The following SLC28A3 variants were observed in gnomAD, a reference collection of about 807,000 sequenced individuals.
The protein encoded by SLC28A3 is solute carrier family 28 member 3, also known as concentrative Na(+)-nucleoside cotransporter 3.
Under a neutral mutation model 84.2 loss-of-function variants are expected in SLC28A3, and 68 were observed. The ratio of observed to expected loss-of-function variants is 0.81; its 90% CI spans 0.66 to 0.99. The LOEUF is 0.99. SLC28A3 is among the 50% of genes least tolerant of loss of function. SLC28A3 has a pLI of 0.00. For synonymous variants in SLC28A3, 267 were observed against 303.6 expected (o/e 0.88, Z 1.25); for missense variants, 712 against 841.5 (o/e 0.85, Z 1.90).
intron 9 of SLC28A3, 22 bp downstream of exon 9, chr9:84,294,173 C>G (rs1404117317): frequency 6.2e-7 from 1 of 1,612,752 alleles, no homozygotes; most frequent in African/African-American, 1.3e-5. Context: ...ACCTATAACC[C>G]AGTCCCTCCC....
intron 3 of SLC28A3, among the ~76,000 whole-genome samples, chr9:84,307,184 A>T (rs1302296220): frequency 6.6e-6 from 1 of 150,614 alleles, no homozygotes; most frequent in East Asian, 2.0e-4. Context: ...TAATCTCAGC[A>T]CTTTGGGAGG....
chr9:84,361,935 T>TAAATAAATAAATAAATAAATAAAA, the SLC28A3 span, among the ~76,000 whole-genome samples: 1 of 151,966 alleles, frequency 6.6e-6, no homozygotes, highest in East Asian at 1.9e-4. Context: ...AATAAATAAA[T>TAAATAAATAAATAAATAAATAAAA]AAAAATTAAT....
chr9:84,333,397 G>A (rs775295877), intron 1 of SLC28A3, among the ~76,000 whole-genome samples: 1 of 152,162 alleles, frequency 6.6e-6, no homozygotes, highest in African/African-American at 2.4e-5. Flanking sequence ...GCGTGACCCA[G>A]TTCCCAGCTT....
At chr9:84,353,599 A>G in the SLC28A3 span, among the ~76,000 whole-genome samples, 1 of 152,050 alleles carries the variant, frequency 6.6e-6, no homozygotes, top group Non-Finnish European at 1.5e-5. Context: ...AATCCCAACT[A>G]CTTGGGAGGC....
Position 84,313,382 on chromosome 9 carries a change from T to G in SLC28A3, c.133A>C (p.Arg45=). 2 of 1,614,176 alleles carry G rather than the reference T, an allele frequency of 1.2e-6. No individual in the cohort carries two copies. The highest frequency in any genetic ancestry group is 1.7e-6 in the Non-Finnish European group (2 of 1,179,996). ...NSIRSRAVQS[R]EHTNTKQDEE... ...ACCTGTTTGGTGTTTGTGTGCTCCC[T>G]GCTTTGCACAGCTCTGCTTCTTATT... Residue 45 remains arginine (R), a synonymous_variant, in exon 2 of 18, where the codon AGG becomes CGG. Coordinates refer to ENST00000376238, the MANE Select transcript of SLC28A3 (RefSeq NM_001199633.2).
intron 16 of SLC28A3, 90 bp downstream of exon 16, chr9:84,279,885 G>T (rs939774403): frequency 4.1e-6 from 5 of 1,230,280 alleles, no homozygotes; most frequent in Non-Finnish European, 5.8e-6. Context: ...GTGGCAGCGT[G>T]TGCTGCACAT....
intron 17 of SLC28A3, 86 bp from the exon 18 acceptor site, chr9:84,278,430 A>G (rs532365742): frequency 2.6e-6 from 4 of 1,530,322 alleles, no homozygotes; most frequent in Admixed American, 3.8e-5. Context: ...AAAATAGTTC[A>G]GGGCAGGAAG....
At chr9:84,337,432 C>CTGTGTGTG (rs111293078) in intron 1 of SLC28A3, among the ~76,000 whole-genome samples, 4 of 151,192 alleles carry the variant, frequency 2.6e-5, no homozygotes, top group African/African-American at 9.8e-5. Flanking sequence ...GGATGCTAGC[C>CTGTGTGTG]TGTGTGTGTG....
chr9:84,286,461 T>TC (rs1229118929), intron 12 of SLC28A3, among the ~76,000 whole-genome samples: 85 of 149,550 alleles, frequency 5.7e-4, no homozygotes, highest in African/African-American at 2.0e-3. Context: ...TTTTTTTTTT[T>TC]TTTTTTTAAG....
At chr9:84,323,335 G>T (rs554536160) in intron 1 of SLC28A3, among the ~76,000 whole-genome samples, 1 of 152,238 alleles carries the variant, frequency 6.6e-6, no homozygotes, top group East Asian at 1.9e-4. Flanking sequence ...TTGCCTAAAT[G>T]GTGGGCCTGG....
chr9:84,338,626 C>T (rs34441017), intron 1 of SLC28A3, among the ~76,000 whole-genome samples: 1,761 of 152,282 alleles, frequency 0.012, 12 homozygotes, highest in Middle Eastern at 0.02. Context: ...GGATCACCAC[C>T]GTTGTGTGCC....
upstream of SLC28A3, among the ~76,000 whole-genome samples, chr9:84,342,952 A>G (rs1023100225): frequency 1.1e-4 from 16 of 152,248 alleles, no homozygotes; most frequent in Admixed American, 3.3e-4. Context: ...TCATGAAGTC[A>G]GGAATTCGAG....
At chr9:84,340,815 GCAGAGAGGCGGGC>G, upstream of SLC28A3, 1 of 591,150 alleles carries the variant, frequency 1.7e-6, no homozygotes, top group Non-Finnish European at 3.0e-6. Context: ...TTGGGGTGGG[GCAGAGAGGCGGGC>G]GGGTTGGCGG....
intron 10 of SLC28A3, among the ~76,000 whole-genome samples, chr9:84,292,329 T>C (rs952821239): frequency 6.6e-6 from 1 of 152,224 alleles, no homozygotes; most frequent in African/African-American, 2.4e-5. Context: ...AGAATCTATA[T>C]GAGAAGCTCT....
upstream of SLC28A3, among the ~76,000 whole-genome samples, chr9:84,343,214 C>CA (rs142008994): frequency 0.047 from 7,095 of 150,586 alleles, 314 homozygotes; most frequent in East Asian, 0.17. Flanking sequence ...AAAACAAAAG[C>CA]AAAAAAAAAT....
intron 9 of SLC28A3, among the ~76,000 whole-genome samples, chr9:84,293,249 T>G (rs569520373): frequency 1.3e-5 from 2 of 152,222 alleles, no homozygotes; most frequent in African/African-American, 2.4e-5. Flanking sequence ...TCTTTTTTAC[T>G]TAATTGAAAT....
rs1360556322 is a variant in SLC28A3, at chr9:84,276,987, A to G, written c.*1231T>C. On this transcript the variant is annotated 3_prime_UTR_variant, in exon 18 of 18. Coordinates refer to ENST00000376238, the MANE Select transcript of SLC28A3 (RefSeq NM_001199633.2). ...TGGGCATTTCGTTAAAGAGCACACC[A>G]CCATTGTCTCTGGAATCTTTTTCTT... 6.6e-6 allele frequency: 1 copy of G among 152,206 alleles called. No homozygotes were observed. The highest frequency in any genetic ancestry group is 1.5e-5 in the Non-Finnish European group (1 of 68,028). 9.4% of individuals were successfully genotyped at this position (152,206 alleles called of 1,614,324 possible). A position where few individuals can be genotyped will look rare whatever the true frequency, so the allele number is the denominator to read the frequency against.
upstream of SLC28A3, among the ~76,000 whole-genome samples, chr9:84,345,149 C>T (rs1052560383): frequency 6.6e-6 from 1 of 151,858 alleles, no homozygotes; most frequent in Non-Finnish European, 1.5e-5. Flanking sequence ...CTCTTTCGTG[C>T]TTCTTATTGA....
chr9:84,281,057 G>A (rs960115492), intron 14 of SLC28A3, among the ~76,000 whole-genome samples, 175 bp from the exon 15 acceptor site: 1 of 152,102 alleles, frequency 6.6e-6, no homozygotes, highest in Admixed American at 6.5e-5. Flanking sequence ...CTTGAATTTT[G>A]TGGGAAGATG....
Sources: allele counts gnomAD v4.1 joint callset (sites outside exome capture counted in the v4.1 genomes callset), GRCh38; gene constraint gnomAD v4.1.1; transcripts MANE v1.5; gene names NCBI Gene and HGNC (gene_info 2026-07-23, HGNC 2026-07-21).